Variants in USP31 observed in about 807,000 individuals in gnomAD.
USP31 encodes the protein ubiquitin specific peptidase 31.
In USP31, 44 loss-of-function variants were observed where a neutral mutation model predicts 119.4. The observed-to-expected ratio is 0.37, with a 90% CI of 0.29 to 0.47. The LOEUF is 0.47. Ranked by LOEUF, USP31 falls within the 20% of genes least tolerant of loss-of-function variation. The pLI, the probability that USP31 is intolerant of heterozygous loss-of-function variation, is 0.99. For missense variants in USP31, 1,643 were observed against 1,730.2 expected, an observed-to-expected ratio of 0.95 and a Z score of 0.89; for synonymous variants, 749 against 705.6, an observed-to-expected ratio of 1.06 and a Z score of -0.97.
intron 1 of USP31, among the ~76,000 whole-genome samples, chr16:23,134,279 C>T (rs879832910): frequency 3.9e-5 from 6 of 151,918 alleles, no homozygotes; most frequent in East Asian, 1.9e-4. Context: ...AGAAATAAAC[C>T]GTAACTCTAA....
intron 13 of USP31, among the ~76,000 whole-genome samples, chr16:23,074,224 A>T (rs1016634172): frequency 1.3e-5 from 2 of 151,962 alleles, no homozygotes; most frequent in African/African-American, 4.8e-5. Flanking sequence ...AACTCAAGGG[A>T]GAGGTGCTAC....
intron 6 of USP31, among the ~76,000 whole-genome samples, chr16:23,101,381 G>A (rs1056544281): frequency 6.6e-6 from 1 of 152,162 alleles, no homozygotes; most frequent in African/African-American, 2.4e-5. Flanking sequence ...AATGCTAAGG[G>A]TAAGATGCCT....
At chr16:23,138,097 GA>G (rs1212347080) in intron 1 of USP31, among the ~76,000 whole-genome samples, 2 of 152,188 alleles carry the variant, frequency 1.3e-5, no homozygotes, top group Non-Finnish European at 2.9e-5. Context: ...AGTTCAAGTT[GA>G]AGCTCTGCCC....
At chr16:23,107,904 TC>T in intron 2 of USP31, 141 bp downstream of exon 2, 1 of 992,218 alleles carries the variant, frequency 1.0e-6, no homozygotes, top group Non-Finnish European at 1.4e-6. Flanking sequence ...AAATGAAATG[TC>T]CTTTAAGTAG....
rs531446643 is a variant in USP31, at chr16:23,070,410, C to CA, written c.2489-795dup. Among the ~76,000 whole-genome samples the CA allele has an allele frequency of 2.1e-3, 320 of 152,120 alleles. 2 individuals are homozygous for CA. Among genetic ancestry groups the CA allele is most frequent in the Admixed American group, 3.5e-3 (53 of 15,286 alleles). ...CCTAAATCCAGTAACTTAAAACTTC[C>CA]AAAAAAATATTCATAATCAGAGGCC... On this transcript the variant is annotated intron_variant, in intron 15 of 15. Transcript: ENST00000219689.
chr16:23,089,240 T>A (rs79786731), intron 7 of USP31, among the ~76,000 whole-genome samples: 7,898 of 152,244 alleles, frequency 0.052, 310 homozygotes, highest in Non-Finnish European at 0.072. Flanking sequence ...ACACTGGGGC[T>A]CAGCTTGGCT....
chr16:23,103,803 T>A (rs1014440807), intron 5 of USP31, among the ~76,000 whole-genome samples: 1 of 152,204 alleles, frequency 6.6e-6, no homozygotes, highest in African/African-American at 2.4e-5. Context: ...CAGTCCCCAC[T>A]ACTTGGGAAG....
rs984192001 is a variant in USP31, at chr16:23,149,235, C to T, written c.36G>A (p.Pro12=). 78 of 1,123,340 alleles carry T rather than the reference C, an allele frequency of 6.9e-5. No individual in the cohort carries two copies. The highest frequency in any genetic ancestry group is 2.6e-5 in the Non-Finnish European group (24 of 917,770). 69.6% of individuals were successfully genotyped at this position (1,123,340 alleles called of 1,614,324 possible). ...SKVTAPGSGP[P]AAASGKEKRS... ...GCTTCTCCTTCCCGCTCGCCGCCGC[C>T]GGCGGCCCGGACCCAGGCGCCGTTA... is the stretch of plus-strand genomic sequence containing the variant. The change falls in exon 1 of 16, where the codon CCG becomes CCA. Residue 12 remains proline (P), a synonymous_variant. Transcript: ENST00000219689.
chr16:23,084,022 G>C, intron 11 of USP31, among the ~76,000 whole-genome samples: 1 of 152,052 alleles, frequency 6.6e-6, no homozygotes, highest in Non-Finnish European at 1.5e-5. Context: ...TCAAACTCAG[G>C]CTAAGCAATC....
chr16:23,142,986 A>G (rs1455951493), intron 1 of USP31, among the ~76,000 whole-genome samples: 2 of 152,218 alleles, frequency 1.3e-5, no homozygotes, highest in Non-Finnish European at 2.9e-5. Context: ...AACCCCCAGC[A>G]TGAGTGCATG....
At chr16:23,075,175 A>T (rs1596685727) in intron 13 of USP31, among the ~76,000 whole-genome samples, 1 of 152,210 alleles carries the variant, frequency 6.6e-6, no homozygotes, top group African/African-American at 2.4e-5. Flanking sequence ...CCGGAACCAG[A>T]AGGGAAAGAA....
In USP31 at chr16:23,069,274, A is replaced by G. The variant is rs1437824718; in HGVS notation, c.2831T>C (p.Val944Ala). 1 of 1,613,068 alleles carries G rather than the reference A, an allele frequency of 6.2e-7. No homozygotes were observed. Among genetic ancestry groups the G allele is most frequent in the Admixed American group, 1.7e-5 (1 of 59,958 alleles). ...HKAVGRAPLA[V>A]MEGVFKDESD... ...TTCGTCTTTGAACACGCCTTCCATGACAGCCAGAGGGGCCCGGCCCACAGC... is the reference window on the plus strand; with the variant it reads ...TTCGTCTTTGAACACGCCTTCCATGGCAGCCAGAGGGGCCCGGCCCACAGC... The change falls in exon 16 of 16, where the codon GTC becomes GCC. Residue 944 changes from valine (V) to alanine (A), a missense_variant. Around this residue, in one of 5 missense-constraint regions of USP31, gnomAD observed 699 missense variants for 650.9 expected, o/e 1.07. Coordinates refer to ENST00000219689, the MANE Select transcript of USP31 (RefSeq NM_020718.4).
At chr16:23,077,554 C>T (rs1035686309) in intron 13 of USP31, among the ~76,000 whole-genome samples, 1 of 152,118 alleles carries the variant, frequency 6.6e-6, no homozygotes, top group East Asian at 1.9e-4. Flanking sequence ...TTAATAGTAC[C>T]CAGGATTGGC....
At chr16:23,111,995 T>C (rs1596719874) in intron 1 of USP31, among the ~76,000 whole-genome samples, 1 of 152,214 alleles carries the variant, frequency 6.6e-6, no homozygotes, top group Non-Finnish European at 1.5e-5. Flanking sequence ...TATTCATTTA[T>C]AGATCTTGAG....
At chr16:23,086,884 A>C (rs1458078214) in intron 9 of USP31, among the ~76,000 whole-genome samples, 1 of 152,156 alleles carries the variant, frequency 6.6e-6, no homozygotes, top group Non-Finnish European at 1.5e-5. Context: ...TGCTTTCCTA[A>C]CCCAAGTCCT....
At chr16:23,111,448 T>C (rs1567239813) in intron 1 of USP31, among the ~76,000 whole-genome samples, 1 of 152,058 alleles carries the variant, frequency 6.6e-6, no homozygotes, top group Non-Finnish European at 1.5e-5. Flanking sequence ...AAGGAGGAAG[T>C]CCAGGAAAGA....
chr16:23,136,128 T>A (rs1383147632), intron 1 of USP31, among the ~76,000 whole-genome samples: 1 of 152,150 alleles, frequency 6.6e-6, no homozygotes, highest in Non-Finnish European at 1.5e-5. Flanking sequence ...CAGGGTATAG[T>A]CCTGGGAAAA....
intron 1 of USP31, among the ~76,000 whole-genome samples, chr16:23,119,802 C>CA (rs1902608994): frequency 6.6e-6 from 1 of 152,152 alleles, no homozygotes; most frequent in Non-Finnish European, 1.5e-5. Context: ...ATGTCCTGCC[C>CA]AAGTGTCCCA....
intron 7 of USP31, 124 bp from the exon 8 acceptor site, chr16:23,087,959 TAAAAG>T: frequency 1.3e-6 from 1 of 750,324 alleles, no homozygotes; most frequent in Non-Finnish European, 2.1e-6. Context: ...GTTCTCAAAA[TAAAAG>T]AAACAGGAAA....
Sources: allele counts gnomAD v4.1 joint callset (sites outside exome capture counted in the v4.1 genomes callset), GRCh38; gene constraint gnomAD v4.1.1; regional missense constraint gnomAD v4.1.1; transcripts MANE v1.5; gene names NCBI Gene and HGNC (gene_info 2026-07-23, HGNC 2026-07-21).